Variants in SUPT3H observed in about 807,000 individuals in gnomAD.
SUPT3H encodes the protein SPT3 homolog, SAGA and STAGA complex component.
A neutral mutation model predicts 44.3 loss-of-function variants in SUPT3H; 44 were observed. That is an observed-to-expected ratio of 0.99 (90% confidence interval 0.78 to 1.28). SUPT3H has a LOEUF of 1.28. SUPT3H is among the 50% of genes most tolerant of loss of function. The pLI is 0.00. For missense variants in SUPT3H, 380 were observed against 387.1 expected (o/e 0.98, Z 0.15); for synonymous variants, 124 against 125.6 (o/e 0.99, Z 0.09).
At chr6:44,885,730 C>T (rs578027786) in intron 10 of SUPT3H, among the ~76,000 whole-genome samples, 9 of 152,296 alleles carry the variant, frequency 5.9e-5, no homozygotes, top group Admixed American at 1.3e-4. Context: ...CAAAGGAACA[C>T]AGTTCCTCAC....
chr6:45,365,047 T>C (rs1794895099), intron 2 of SUPT3H, among the ~76,000 whole-genome samples, 154 bp downstream of exon 2: 1 of 152,214 alleles, frequency 6.6e-6, no homozygotes, highest in South Asian at 2.1e-4. Flanking sequence ...CCTCTACATA[T>C]GGCAATTTAA....
chr6:44,911,233 T>G (rs1766991179), intron 10 of SUPT3H, among the ~76,000 whole-genome samples: 1 of 150,256 alleles, frequency 6.7e-6, no homozygotes, highest in South Asian at 2.1e-4. Context: ...CATCTTCTTT[T>G]GTCTTAGAAT....
chr6:44,910,613 G>T (rs1225800143), intron 10 of SUPT3H, among the ~76,000 whole-genome samples: 1 of 151,644 alleles, frequency 6.6e-6, no homozygotes, highest in Non-Finnish European at 1.5e-5. Flanking sequence ...TTAAGATTGT[G>T]AATCTTCTTC....
chr6:45,034,806 A>G (rs1419637445), intron 3 of SUPT3H, among the ~76,000 whole-genome samples: 1 of 152,156 alleles, frequency 6.6e-6, no homozygotes, highest in Non-Finnish European at 1.5e-5. Flanking sequence ...ATTATTTTTA[A>G]TAGATATTTT....
chr6:45,095,838 A>T lies in SUPT3H; in HGVS notation c.186+10084T>A, dbSNP rs1408240627. Among the ~76,000 whole-genome samples, 1 of 152,210 alleles carries T rather than the reference A, an allele frequency of 6.6e-6. No homozygotes were observed. Among genetic ancestry groups the T allele is most frequent in the Non-Finnish European group, 1.5e-5 (1 of 68,006 alleles). On this transcript the variant is annotated intron_variant, in intron 3 of 10. Transcript: ENST00000371459. This position sits in a 1 kb window ranked among gnomAD's most constrained non-coding sequence, Gnocchi z 4.1. ...TGGCACAAATCTCTACTTACTTCAA[A>T]TGTGATTTAACTCAACCTGGAAAGT...
At chr6:44,896,964 C>G (rs1233173896) in intron 10 of SUPT3H, among the ~76,000 whole-genome samples, 1 of 152,170 alleles carries the variant, frequency 6.6e-6, no homozygotes, top group Non-Finnish European at 1.5e-5. Flanking sequence ...TGCAAATTAT[C>G]TCATTTAATG....
At chr6:44,893,339 C>T (rs1763599866) in intron 10 of SUPT3H, among the ~76,000 whole-genome samples, 2 of 152,190 alleles carry the variant, frequency 1.3e-5, no homozygotes, top group Admixed American at 6.5e-5. Flanking sequence ...AACTCGTCAT[C>T]TAGCATTAGC....
intron 3 of SUPT3H, among the ~76,000 whole-genome samples, chr6:45,072,073 T>G (rs918987998): frequency 6.6e-6 from 1 of 152,198 alleles, no homozygotes; most frequent in Admixed American, 6.5e-5. Context: ...ACAAATTTTC[T>G]TATTTAATGA....
chr6:45,310,258 C>G (rs1783732551), intron 2 of SUPT3H, among the ~76,000 whole-genome samples: 1 of 152,110 alleles, frequency 6.6e-6, no homozygotes, highest in Admixed American at 6.6e-5. Context: ...CCCCATCCCC[C>G]ACAGTAGCCA....
At chr6:45,131,422 T>G (rs1018448524) in intron 2 of SUPT3H, among the ~76,000 whole-genome samples, 1 of 152,184 alleles carries the variant, frequency 6.6e-6, no homozygotes, top group Admixed American at 6.5e-5. Flanking sequence ...AGCCTATATG[T>G]AACCACTGTA....
chr6:44,961,509 A>G (rs1258936433), intron 7 of SUPT3H, among the ~76,000 whole-genome samples: 1 of 152,180 alleles, frequency 6.6e-6, no homozygotes, highest in East Asian at 1.9e-4. Context: ...GTAAATAATT[A>G]CCATAGCACT....
intron 10 of SUPT3H, among the ~76,000 whole-genome samples, chr6:44,869,423 G>A (rs1000007020): frequency 3.3e-5 from 5 of 152,080 alleles, no homozygotes; most frequent in Non-Finnish European, 7.4e-5. Flanking sequence ...GTGAACCAAG[G>A]GCTGAGATAT....
At chr6:44,935,982 G>A (rs977383742) in intron 9 of SUPT3H, among the ~76,000 whole-genome samples, 1 of 152,116 alleles carries the variant, frequency 6.6e-6, no homozygotes, top group Non-Finnish European at 1.5e-5. Flanking sequence ...TCAATCAACT[G>A]CATCTTATTC....
intron 2 of SUPT3H, among the ~76,000 whole-genome samples, chr6:45,329,625 T>C (rs982401119): frequency 4.6e-5 from 7 of 151,908 alleles, no homozygotes; most frequent in Non-Finnish European, 7.4e-5. Context: ...ATAACTGCTG[T>C]TTAGTCTCAT....
In SUPT3H at chr6:45,061,109, G is replaced by T. The variant is rs955241237; in HGVS notation, c.187-40477C>A. Among the ~76,000 whole-genome samples the T allele has an allele frequency of 2.6e-5, 4 of 152,026 alleles. No homozygotes were observed. In the East Asian group the frequency reaches 7.7e-4, roughly 29 times the overall value. On this transcript the variant is annotated intron_variant, in intron 3 of 10. Coordinates refer to ENST00000371459, the MANE Select transcript of SUPT3H (RefSeq NM_003599.4). ...TGCCATTACTGGGTATATACTCAAA[G>T]GAATATAAATCATTCAATTATAAAG... is the stretch of plus-strand genomic sequence containing the variant.
At chr6:45,352,862 T>C (rs1425315957) in intron 2 of SUPT3H, among the ~76,000 whole-genome samples, 2 of 152,106 alleles carry the variant, frequency 1.3e-5, no homozygotes, top group African/African-American at 2.4e-5. Flanking sequence ...GTTTTATATA[T>C]CTATAAAAAA....
chr6:44,851,762 C>T (rs982080260), intron 10 of SUPT3H, among the ~76,000 whole-genome samples: 4 of 152,074 alleles, frequency 2.6e-5, no homozygotes, highest in Non-Finnish European at 4.4e-5. Flanking sequence ...TACTAGAGTG[C>T]CTTTTAAAAT....
intron 3 of SUPT3H, among the ~76,000 whole-genome samples, chr6:45,038,035 C>T (rs1583196322): frequency 1.3e-5 from 2 of 152,172 alleles, no homozygotes; most frequent in Admixed American, 1.3e-4. Flanking sequence ...GGCTCATAGA[C>T]TTTCTGAAAT....
chr6:44,908,850 C>G (rs1286317039), intron 10 of SUPT3H, among the ~76,000 whole-genome samples: 1 of 152,028 alleles, frequency 6.6e-6, no homozygotes, highest in Admixed American at 6.6e-5. Context: ...CAGCCTTACT[C>G]TGAGCTAATA....
Sources: gnomAD v4.1 joint callset for allele counts (sites outside exome capture counted in the v4.1 genomes callset) on GRCh38, gnomAD v4.1.1 for gene constraint, Gnocchi (gnomAD v3.1) non-coding constraint, MANE v1.5 for transcripts, NCBI Gene and HGNC (gene_info 2026-07-23, HGNC 2026-07-21) for gene names.